UGT8: variants seen among roughly 807,000 people sequenced by gnomAD.
UGT8 encodes 2-hydroxyacylsphingosine 1-beta-galactosyltransferase.
UGT8 carries 12 observed loss-of-function variants against 40.5 expected under a neutral mutation model. The ratio of observed to expected loss-of-function variants is 0.30; its 90% confidence interval spans 0.19 to 0.48. UGT8 has a LOEUF of 0.48. Ranked by LOEUF, UGT8 falls within the 20% of genes least tolerant of loss-of-function variation. The pLI is 0.99. For missense variants in UGT8, 513 were observed against 648.7 expected (o/e 0.79, Z 2.27); for synonymous variants, 224 against 240.4 (o/e 0.93, Z 0.63).
intron 1 of UGT8, among the ~76,000 whole-genome samples, chr4:114,615,219 C>G (rs978323704): frequency 1.3e-5 from 2 of 151,624 alleles, no homozygotes; most frequent in African/African-American, 4.9e-5. Flanking sequence ...TTTATACTCT[C>G]AGTCTTATTA....
At chr4:114,627,432 G>A (rs920188517) in intron 2 of UGT8, among the ~76,000 whole-genome samples, 4 of 151,714 alleles carry the variant, frequency 2.6e-5, no homozygotes, top group East Asian at 1.9e-4. Context: ...CTAATTTTTC[G>A]TATTTTTAGT....
At chr4:114,641,131 A>G (rs994841842) in intron 2 of UGT8, among the ~76,000 whole-genome samples, 1 of 152,254 alleles carries the variant, frequency 6.6e-6, no homozygotes, top group Non-Finnish European at 1.5e-5. Flanking sequence ...GAAAAGCTAA[A>G]GCTAAAGCCT....
At chr4:114,638,786 C>T (rs983666129) in intron 2 of UGT8, among the ~76,000 whole-genome samples, 1 of 152,140 alleles carries the variant, frequency 6.6e-6, no homozygotes, top group African/African-American at 2.4e-5. Flanking sequence ...TTTGTGATTC[C>T]ACTAAGTTTT....
In UGT8 at chr4:114,623,825, G is replaced by A. The variant is rs1344406637; in HGVS notation, c.822+123G>A. On this transcript the variant is annotated intron_variant, in intron 2 of 5. Coordinates refer to ENST00000310836, the MANE Select transcript of UGT8 (RefSeq NM_001128174.3). ...TATACAGTACACTAAAAGGTGATTAGGACATGGGGCCTCCAAAGTCCCTTT... is the reference window on the plus strand; with the variant it reads ...TATACAGTACACTAAAAGGTGATTAAGACATGGGGCCTCCAAAGTCCCTTT... The A allele has an allele frequency of 6.1e-6, 8 of 1,312,508 alleles. No homozygotes were observed. In the African/African-American group the frequency reaches 1.0e-4, roughly 17 times the overall value. The allele number at this position is 1,312,508 out of a possible 1,614,324, so 81.3% of individuals were successfully genotyped here.
In UGT8 at chr4:114,623,288, G is replaced by A. The variant is rs778406213; in HGVS notation, c.408G>A (p.Leu136=). Residue 136 remains leucine, a synonymous_variant, in exon 2 of 6, where the codon CTG becomes CTA. Coordinates refer to ENST00000310836, the MANE Select transcript of UGT8 (RefSeq NM_001128174.3). The part of the protein sequence containing the change: ...GLKKEKFDLL[L]VDPNDMCGFV... The stretch of plus-strand genomic sequence containing the variant: ...AGAAAGAAAAATTTGACCTGCTGCT[G>A]GTGGACCCTAATGATATGTGTGGAT... The A allele has an allele frequency of 8.1e-6, 13 of 1,614,024 alleles. No homozygotes were observed. Among genetic ancestry groups the A allele is most frequent in the Non-Finnish European group, 1.0e-5 (12 of 1,180,034 alleles).
chr4:114,657,197 C>G (rs1436581605), intron 2 of UGT8, among the ~76,000 whole-genome samples: 1 of 151,832 alleles, frequency 6.6e-6, no homozygotes, highest in East Asian at 1.9e-4. Flanking sequence ...TCGGGATGTC[C>G]CTGCTGCTTG....
At chr4:114,666,423 A>G (rs1314422560) in intron 4 of UGT8, among the ~76,000 whole-genome samples, 1 of 152,174 alleles carries the variant, frequency 6.6e-6, no homozygotes, top group South Asian at 2.1e-4. Context: ...ACTAAAAACC[A>G]GTAAAGAATT....
upstream of UGT8, chr4:114,598,768 G>A (rs913069765): frequency 1.3e-5 from 2 of 152,096 alleles, no homozygotes; most frequent in African/African-American, 2.4e-5. Context: ...AGGACCCGAG[G>A]GAGGACACGG....
Position 114,611,528 on chromosome 4 carries a change from C to CATAT in UGT8, c.-2-11335_-2-11332dup, listed in dbSNP as rs34223454. Among the ~76,000 whole-genome samples the CATAT allele has an allele frequency of 7.8e-3, 337 of 43,306 alleles. 1 individual carries two copies. The highest frequency in any genetic ancestry group is 0.014 in the African/African-American group (308 of 22,596). The allele number at this position is 43,306 out of a possible 152,430, so 28.4% of individuals were successfully genotyped here. On this transcript the variant is annotated intron_variant, in intron 1 of 5. Transcript: ENST00000310836. ...TATATATAAGATAGCCGTATATATC[C>CATAT]ATATATATATATATATATACACACA...
rs377204507 is a variant in UGT8 at position 114,676,160 on chromosome 4, T to G, written c.1498T>G (p.Tyr500Asp). 6.2e-7 allele frequency: 1 copy of G among 1,614,020 alleles called. No individual in the cohort carries two copies. Among genetic ancestry groups the G allele is most frequent in the African/African-American group, 1.3e-5 (1 of 74,914 alleles). ...CTTGTCTTGGGTGACAAAATTTATC[T>G]ACAGAAAAATCAAAAGTCTGTGGTC... is the stretch of plus-strand genomic sequence containing the variant. ...FLLSWVTKFI[Y>D]RKIKSLWSRN... The change falls in exon 6 of 6, where the codon TAC becomes GAC. Residue 500 changes from tyrosine (Y) to aspartate (D), a missense_variant. Coordinates refer to ENST00000310836, the MANE Select transcript of UGT8 (RefSeq NM_001128174.3).
intron 2 of UGT8, among the ~76,000 whole-genome samples, chr4:114,635,950 C>T (rs1732861891): frequency 6.6e-6 from 1 of 152,060 alleles, no homozygotes; most frequent in African/African-American, 2.4e-5. Flanking sequence ...TACAACTTTT[C>T]ATATGAATAC....
At chr4:114,617,855 G>C (rs1278910717) in intron 1 of UGT8, among the ~76,000 whole-genome samples, 3 of 152,192 alleles carry the variant, frequency 2.0e-5, no homozygotes, top group Admixed American at 1.3e-4. Flanking sequence ...AACTCCAAAG[G>C]AAGGATGAGA....
chr4:114,620,733 G>A (rs1188643112), intron 1 of UGT8, among the ~76,000 whole-genome samples: 1 of 152,136 alleles, frequency 6.6e-6, no homozygotes, highest in Non-Finnish European at 1.5e-5. Flanking sequence ...GGAAATATAT[G>A]TATTTTAGAG....
chr4:114,648,186 T>C (rs1733691193), intron 2 of UGT8, among the ~76,000 whole-genome samples: 1 of 152,152 alleles, frequency 6.6e-6, no homozygotes, highest in South Asian at 2.1e-4. Context: ...ATATTTCAGC[T>C]TACTCAGAGC....
intron 1 of UGT8, 165 bp from the exon 2 acceptor site, chr4:114,622,714 T>G (rs1578414928): frequency 1.6e-6 from 1 of 610,612 alleles, no homozygotes; most frequent in Non-Finnish European, 2.7e-6. Flanking sequence ...TTTCATGTGT[T>G]TTTTGGCTGC....
Position 114,676,539 on chromosome 4 carries a change from A to G in UGT8, c.*251A>G. The G allele has an allele frequency of 2.7e-6, 1 of 374,220 alleles. No homozygotes were observed. Among genetic ancestry groups the G allele is most frequent in the East Asian group, 4.9e-5 (1 of 20,328 alleles). 23.2% of individuals were successfully genotyped at this position (374,220 alleles called of 1,614,324 possible). ...AACCTTTTAGAAGCCTTAATTATTT[A>G]AATCAATTCAGTGACTGTGTCAGAC... On this transcript the variant is annotated 3_prime_UTR_variant, in exon 6 of 6. Coordinates refer to ENST00000310836, the MANE Select transcript of UGT8 (RefSeq NM_001128174.3).
intron 2 of UGT8, chr4:114,663,742 G>A: frequency 1.0e-6 from 1 of 984,976 alleles, no homozygotes; most frequent in South Asian, 4.7e-5. Flanking sequence ...TAAGCCTTTA[G>A]CAACTGATTT....
At chr4:114,668,559 C>A (rs536357668) in intron 5 of UGT8, among the ~76,000 whole-genome samples, 37 of 152,202 alleles carry the variant, frequency 2.4e-4, no homozygotes, top group Non-Finnish European at 4.7e-4. Flanking sequence ...TGGGAACAAT[C>A]TTTGGATATC....
chr4:114,669,365 G>T (rs1189761094), intron 5 of UGT8, among the ~76,000 whole-genome samples: 4 of 138,644 alleles, frequency 2.9e-5, no homozygotes, highest in African/African-American at 8.5e-5. Flanking sequence ...TTCAAAACAT[G>T]ATGTTATTTC....
Sources: gnomAD v4.1 joint callset for allele counts (sites outside exome capture counted in the v4.1 genomes callset) on GRCh38, gnomAD v4.1.1 for gene constraint, MANE v1.5 for transcripts, NCBI Gene and HGNC (gene_info 2026-07-23, HGNC 2026-07-21) for gene names.